Variants in ADGRV1 observed in about 807,000 individuals in gnomAD.
The protein encoded by ADGRV1 is G-protein coupled receptor 98.
ADGRV1 carries 359 observed loss-of-function variants against 596.2 expected under a neutral mutation model. The ratio of observed to expected loss-of-function variants is 0.60; its 90% CI spans 0.55 to 0.66. The LOEUF (loss-of-function observed/expected upper bound fraction) is 0.66, where lower values mean the gene tolerates loss of function less well. Ranked by LOEUF, ADGRV1 falls within the 30% of genes least tolerant of loss-of-function variation. The pLI is 0.00. For missense variants in ADGRV1, 7,274 were observed against 7,575.6 expected (o/e 0.96, Z 1.48); for synonymous variants, 2,681 against 2,679.2 (o/e 1.00, Z -0.02).
At chr5:90,823,636 A>T (rs189214234) in intron 76 of ADGRV1, 40 bp downstream of exon 76, 1 of 1,525,386 alleles carries the variant, frequency 6.6e-7, no homozygotes, top group Non-Finnish European at 9.1e-7. Context: ...ACTTCTAATT[A>T]TATTTCTTTA....
intron 9 of ADGRV1, 45 bp downstream of exon 9, chr5:90,629,584 G>A: frequency 7.7e-7 from 1 of 1,302,004 alleles, no homozygotes; most frequent in Non-Finnish European, 1.1e-6. Flanking sequence ...TAACCTTCAA[G>A]TGTACTAACC....
At chr5:90,899,295 T>C (rs1290683351) in intron 83 of ADGRV1, 1 of 152,186 alleles carries the variant, frequency 6.6e-6, no homozygotes, top group Admixed American at 6.5e-5. Context: ...TTTGCCCACC[T>C]GTAATGAGGA....
chr5:90,875,669 G>A (rs528801874), intron 83 of ADGRV1, among the ~76,000 whole-genome samples: 1 of 152,250 alleles, frequency 6.6e-6, no homozygotes, highest in East Asian at 1.9e-4. Flanking sequence ...GATAGCAAAT[G>A]GTAAGTTTTC....
At position 90,653,283 on chromosome 5, in the gene ADGRV1, G is replaced by A; in HGVS notation, c.3709G>A (p.Asp1237Asn). ...QVTVMVPFND[D>N]PFGVFILDPE... ...GACAGTAATGGTTCCATTCAATGAT[G>A]ATCCCTTTGGAGTTTTTATCTTGGA... Residue 1237 changes from aspartate to asparagine, a missense_variant, in exon 20 of 90, where the codon GAT becomes AAT. Asp to Asn is a conservative substitution (Grantham distance 23). Transcript: ENST00000405460. 6.2e-7 allele frequency: 1 copy of A among 1,613,916 alleles called. No homozygotes were observed. The highest frequency in any genetic ancestry group is 8.5e-7 in the Non-Finnish European group (1 of 1,179,838).
At position 90,978,159 on chromosome 5, in the gene ADGRV1, G is replaced by A. The variant is rs60564653; in HGVS notation, c.17974-7185G>A. 5.3e-3 allele frequency among the ~76,000 whole-genome samples: 799 copies of A among 152,094 alleles called. 9 individuals carry two copies. The highest frequency in any genetic ancestry group is 0.018 in the African/African-American group (758 of 41,498). On this transcript the variant is annotated intron_variant, in intron 84 of 89. Transcript: ENST00000405460. ...AAACACAAAAAATTAGCCAGGCATG[G>A]TGGCAGGCGCCTGTAGTCCCAGCTA...
intron 83 of ADGRV1, among the ~76,000 whole-genome samples, chr5:90,936,848 G>A (rs1431332030): frequency 6.6e-6 from 1 of 151,804 alleles, no homozygotes; most frequent in African/African-American, 2.4e-5. Context: ...TTTAATTATT[G>A]ATTTCTAATT....
In ADGRV1 at chr5:91,035,869, A is replaced by G. The variant is rs867695583; in HGVS notation, c.18153-36578A>G. Among the ~76,000 whole-genome samples, 35 of 120,508 alleles carry G rather than the reference A, an allele frequency of 2.9e-4. 2 individuals carry two copies. Among genetic ancestry groups the G allele is most frequent in the African/African-American group, 1.0e-3 (35 of 33,734 alleles). 79.1% of individuals were successfully genotyped at this position (120,508 alleles called of 152,430 possible). A position where few individuals can be genotyped will look rare whatever the true frequency, so the allele number is the denominator to read the frequency against. ...GTATATATATATATATATTATATAT[A>G]TATATATATATATCTTACAACAATG... On this transcript the variant is annotated intron_variant, in intron 85 of 89. Transcript: ENST00000405460.
intron 54 of ADGRV1, among the ~76,000 whole-genome samples, 163 bp from the exon 55 acceptor site, chr5:90,754,820 A>C (rs1755654387): frequency 6.6e-6 from 1 of 152,188 alleles, no homozygotes; most frequent in Non-Finnish European, 1.5e-5. Context: ...GACCAGGAAG[A>C]CCAAGCCCAG....
intron 85 of ADGRV1, among the ~76,000 whole-genome samples, chr5:91,005,002 C>T (rs1782154705): frequency 6.6e-6 from 1 of 152,160 alleles, no homozygotes; most frequent in Non-Finnish European, 1.5e-5. Flanking sequence ...ATTTTGTTCT[C>T]TTTTATAAAC....
chr5:90,913,521 C>T (rs1581494129), intron 83 of ADGRV1, among the ~76,000 whole-genome samples: 1 of 152,174 alleles, frequency 6.6e-6, no homozygotes, highest in East Asian at 1.9e-4. Context: ...GATTCATATA[C>T]ACATCACATT....
intron 86 of ADGRV1, among the ~76,000 whole-genome samples, chr5:91,080,262 G>T (rs1232926176): frequency 6.6e-6 from 1 of 152,036 alleles, no homozygotes; most frequent in Non-Finnish European, 1.5e-5. Flanking sequence ...CAACTAGTTT[G>T]CTATCAAACA....
intron 62 of ADGRV1, 31 bp downstream of exon 62, chr5:90,778,074 C>T (rs1758435997): frequency 6.5e-7 from 1 of 1,544,394 alleles, no homozygotes; most frequent in Non-Finnish European, 8.8e-7. Context: ...CTTTTATGCC[C>T]TTTACTCTCT....
At chr5:90,783,357 T>G (rs974878670) in intron 66 of ADGRV1, 32 bp downstream of exon 66, 36 of 1,369,108 alleles carry the variant, frequency 2.6e-5, no homozygotes, top group Non-Finnish European at 3.7e-5. Flanking sequence ...TGGGCACATA[T>G]AAGACATAAG....
chr5:91,146,356 C>T (rs1253707670), intron 87 of ADGRV1, among the ~76,000 whole-genome samples: 5 of 152,236 alleles, frequency 3.3e-5, no homozygotes, highest in South Asian at 2.1e-4. Context: ...CCAGTGTAGG[C>T]GATGTCAGGA....
At chr5:90,575,328 A>G (rs1757060392) in intron 1 of ADGRV1, among the ~76,000 whole-genome samples, 1 of 152,010 alleles carries the variant, frequency 6.6e-6, no homozygotes, top group Non-Finnish European at 1.5e-5. Flanking sequence ...ATCACAGCTC[A>G]CTGCAACCTT....
intron 85 of ADGRV1, among the ~76,000 whole-genome samples, chr5:91,053,172 G>C (rs1468327975): frequency 6.6e-6 from 1 of 152,034 alleles, no homozygotes; most frequent in South Asian, 2.1e-4. Context: ...AACTGTCTGG[G>C]GTTCTTTTGA....
At chr5:91,031,489 C>T (rs1278915722) in intron 85 of ADGRV1, among the ~76,000 whole-genome samples, 1 of 152,128 alleles carries the variant, frequency 6.6e-6, no homozygotes, top group African/African-American at 2.4e-5. Context: ...AGAAAGCCAC[C>T]ATAAAGTAAA....
rs191990343 is a variant in ADGRV1, at chr5:90,824,094, C to G, written c.16368+498C>G. Among the ~76,000 whole-genome samples the G allele has an allele frequency of 1.6e-3, 250 of 151,872 alleles. 1 individual carries two copies. The highest frequency in any genetic ancestry group is 5.6e-3 in the African/African-American group (229 of 41,208). On this transcript the variant is annotated intron_variant, in intron 76 of 89. Transcript: ENST00000405460. ...ATCACATTTATCTTGCATGGTATCT[C>G]TTTTTTATATTACAATAACATTTCT...
Position 90,778,029 on chromosome 5 carries a change from A to G in ADGRV1, c.12652A>G (p.Ile4218Val). ...LTMRDEQSAV[I>V]VVIQALNDDI... Reference sequence around the variant, plus strand: ...AATGCGAGACGAACAGTCTGCAGTCATTGTAGTAATACAGGTATCAATATT... The same window carrying G: ...AATGCGAGACGAACAGTCTGCAGTCGTTGTAGTAATACAGGTATCAATATT... Residue 4218 changes from isoleucine to valine, a missense_variant, in exon 62 of 90, where the codon ATT (isoleucine) becomes GTT (valine). Physicochemically the swap from Ile to Val is conservative, Grantham distance 29 (BLOSUM62 3). Transcript: ENST00000405460. 1 of 1,570,354 alleles carries G rather than the reference A, an allele frequency of 6.4e-7. No homozygotes were observed. Among genetic ancestry groups the G allele is most frequent in the Non-Finnish European group, 8.7e-7 (1 of 1,155,994 alleles).
Sources: allele counts gnomAD v4.1 joint callset (sites outside exome capture counted in the v4.1 genomes callset), GRCh38; gene constraint gnomAD v4.1.1; transcripts MANE v1.5; gene names NCBI Gene and HGNC (gene_info 2026-07-23, HGNC 2026-07-21).